SBK1: variants seen among roughly 807,000 people sequenced by gnomAD.
SBK1 encodes SH3 domain binding kinase 1, also known as serine/threonine-protein kinase SBK1.
A neutral mutation model predicts 24.4 loss-of-function variants in SBK1; 11 were observed. The observed-to-expected ratio is 0.45, with a 90% CI of 0.28 to 0.75. SBK1 has a LOEUF of 0.75. SBK1 is among the 30% of genes least tolerant of loss of function. The pLI, the probability that SBK1 is intolerant of heterozygous loss-of-function variation, is 0.12. For missense variants in SBK1, 467 were observed against 620.5 expected (o/e 0.75, Z 2.63); for synonymous variants, 308 against 284.4 (o/e 1.08, Z -0.83).
At chr16:28,265,589 A>G (rs2044423237) in intron 1 of SBK1, among the ~76,000 whole-genome samples, 1 of 152,134 alleles carries the variant, frequency 6.6e-6, no homozygotes, top group Non-Finnish European at 1.5e-5. Context: ...TCTAAAAAAT[A>G]TAAAAATTAA....
intron 1 of SBK1, among the ~76,000 whole-genome samples, chr16:28,316,099 G>A (rs1237289253): frequency 6.6e-6 from 1 of 152,126 alleles, no homozygotes; most frequent in Non-Finnish European, 1.5e-5. Context: ...GGTTGGCCAG[G>A]CGCAGTGTTC....
intron 1 of SBK1, among the ~76,000 whole-genome samples, chr16:28,275,659 C>T (rs1225958807): frequency 6.6e-6 from 1 of 151,978 alleles, no homozygotes; most frequent in African/African-American, 2.4e-5. Flanking sequence ...GCAGGTGGAT[C>T]GTTTGAGCCC....
chr16:28,282,459 C>A (rs1217288482), intron 1 of SBK1, among the ~76,000 whole-genome samples: 2 of 152,172 alleles, frequency 1.3e-5, no homozygotes, highest in Non-Finnish European at 2.9e-5. Flanking sequence ...AGCCCCCGAA[C>A]TTTGTGTCTC....
In SBK1 at chr16:28,282,881, G is replaced by A. The variant is rs537541969; in HGVS notation, c.257+23379G>A. Among the ~76,000 whole-genome samples, 9 of 152,118 alleles carry A rather than the reference G, an allele frequency of 5.9e-5. No individual in the cohort carries two copies. In the South Asian group the frequency reaches 1.9e-3, roughly 32 times the overall value. The stretch of plus-strand genomic sequence containing the variant: ...AATATAGTGACTGTATGGGACAGAG[G>A]AGACGGTGTTTAATTACTCTCGCAT... On this transcript the variant is annotated intron_variant, in intron 1 of 3. Transcript: ENST00000671413.
intron 1 of SBK1, among the ~76,000 whole-genome samples, chr16:28,275,890 AAAGG>A (rs571451740): frequency 2.0e-4 from 31 of 152,002 alleles, no homozygotes; most frequent in South Asian, 1.9e-3. Flanking sequence ...GTCTCAAAAA[AAAGG>A]AAGGAAGGAA....
In SBK1 at chr16:28,296,811, G is replaced by A. The variant is rs75718860; in HGVS notation, c.-8+3511G>A. Among the ~76,000 whole-genome samples the A allele has an allele frequency of 1.0e-2, 1,522 of 152,206 alleles. 8 individuals carry two copies. Among genetic ancestry groups the A allele is most frequent in the South Asian group, 0.035 (168 of 4,820 alleles). On this transcript the variant is annotated intron_variant, in intron 1 of 3. Transcript: ENST00000341901. ...CATGTGTCCCAGGGACAGCAAACCC[G>A]AGTCCTTCCCTTCCCCTCCTGACCT...
intron 1 of SBK1, among the ~76,000 whole-genome samples, chr16:28,312,138 G>T (rs145836402): frequency 6.2e-4 from 95 of 152,362 alleles, no homozygotes; most frequent in Non-Finnish European, 1.1e-3. Flanking sequence ...GAGCAGCCCA[G>T]CGTCTCCCTG....
intron 1 of SBK1, among the ~76,000 whole-genome samples, chr16:28,299,406 CG>C (rs1452168710): frequency 6.6e-6 from 1 of 152,132 alleles, no homozygotes; most frequent in African/African-American, 2.4e-5. Context: ...CTCAAGATTC[CG>C]TAGCTGGGAT....
At chr16:28,310,053 C>G in intron 1 of SBK1, among the ~76,000 whole-genome samples, 1 of 152,202 alleles carries the variant, frequency 6.6e-6, no homozygotes, top group Non-Finnish European at 1.5e-5. Context: ...TTGGGAAACC[C>G]TCCCCCACCA....
intron 1 of SBK1, among the ~76,000 whole-genome samples, chr16:28,308,134 T>G (rs1346806561): frequency 6.6e-6 from 1 of 152,188 alleles, no homozygotes; most frequent in African/African-American, 2.4e-5. Flanking sequence ...GTGGACACGC[T>G]GAGGTTCAAA....
At position 28,317,070 on chromosome 16, in the gene SBK1, T is replaced by C. The variant is rs2044801686; in HGVS notation, c.-7-315T>C. On this transcript the variant is annotated intron_variant, in intron 1 of 3. Transcript: ENST00000341901. This position sits in a 1 kb window ranked among gnomAD's most constrained non-coding sequence, Gnocchi z 4.2. ...TGGGAGTACCCGTGTGAACTCGGTA[T>C]CTGGCTGTGTCTGTGTGACATAAAC... is the stretch of plus-strand genomic sequence containing the variant. Among the ~76,000 whole-genome samples, 1 of 152,188 alleles carries C rather than the reference T, an allele frequency of 6.6e-6. No homozygotes were observed. The highest frequency in any genetic ancestry group is 1.5e-5 in the Non-Finnish European group (1 of 68,044).
At chr16:28,274,479 G>A (rs748835890) in intron 1 of SBK1, among the ~76,000 whole-genome samples, 9 of 151,980 alleles carry the variant, frequency 5.9e-5, no homozygotes, top group South Asian at 2.1e-4. Context: ...GTGAAACCCC[G>A]TCTCTACTAA....
At chr16:28,260,974 C>T (rs1306597046) in intron 1 of SBK1, among the ~76,000 whole-genome samples, 7 of 152,016 alleles carry the variant, frequency 4.6e-5, no homozygotes, top group Admixed American at 2.0e-4. Flanking sequence ...GCAGTGGGAA[C>T]GGCAAGAGGG....
chr16:28,261,545 C>G (rs8061278), intron 1 of SBK1, among the ~76,000 whole-genome samples: 91 of 151,802 alleles, frequency 6.0e-4, no homozygotes, highest in African/African-American at 2.0e-3. Context: ...CAAGAGGATC[C>G]CTTGAGCCCA....
chr16:28,313,425 C>A (rs980575649), intron 1 of SBK1, among the ~76,000 whole-genome samples: 7 of 151,584 alleles, frequency 4.6e-5, no homozygotes, highest in Admixed American at 3.3e-4. Flanking sequence ...GGTGAAACCC[C>A]ATCTCTACAA....
chr16:28,265,810 C>T (rs948216218), intron 1 of SBK1, among the ~76,000 whole-genome samples: 6 of 151,224 alleles, frequency 4.0e-5, no homozygotes, highest in Non-Finnish European at 8.8e-5. Flanking sequence ...CCTATCTCTA[C>T]TAAAAATACA....
chr16:28,286,426 G>C (rs1474105615), intron 1 of SBK1: 1 of 152,388 alleles, frequency 6.6e-6, no homozygotes, highest in East Asian at 1.9e-4. Context: ...TGTAATCCCA[G>C]CACTTTGGGA....
Position 28,322,090 on chromosome 16 carries a change from G to A in SBK1, c.*1169G>A, listed in dbSNP as rs2650492. Reference sequence around the variant, plus strand: ...GTGAGAATGGGGGCGGTGGACACCAGGGGGCGAGTGTGTGACTAGGTGTGT... The same window carrying A: ...GTGAGAATGGGGGCGGTGGACACCAAGGGGCGAGTGTGTGACTAGGTGTGT... On this transcript the variant is annotated 3_prime_UTR_variant, in exon 4 of 4. Coordinates refer to ENST00000341901, the MANE Select transcript of SBK1 (RefSeq NM_001024401.3). 0.2 allele frequency: 30,576 copies of A among 152,748 alleles called. 4,093 individuals are homozygous for A. Among genetic ancestry groups the A allele is most frequent in the Non-Finnish European group, 0.3 (20,615 of 68,324 alleles). 9.5% of individuals were successfully genotyped at this position (152,748 alleles called of 1,614,324 possible). A position where few individuals can be genotyped will look rare whatever the true frequency, so the allele number is the denominator to read the frequency against.
At position 28,292,895 on chromosome 16, in the gene SBK1, A is replaced by G; in HGVS notation, c.-413A>G. The G allele has an allele frequency of 1.0e-6, 1 of 977,286 alleles. No individual in the cohort carries two copies. The highest frequency in any genetic ancestry group is 1.2e-6 in the Non-Finnish European group (1 of 824,268). The allele number at this position is 977,286 out of a possible 1,614,324, so 60.5% of individuals were successfully genotyped here. On this transcript the variant is annotated 5_prime_UTR_variant, in exon 1 of 4. Transcript: ENST00000341901. Reference sequence around the variant, plus strand: ...GCAAGCCCCCTACGGCACCGCAAGGACTCCCCCTCCTCAGTCTGGGCCCCC... The same window carrying G: ...GCAAGCCCCCTACGGCACCGCAAGGGCTCCCCCTCCTCAGTCTGGGCCCCC...
Sources: allele counts gnomAD v4.1 joint callset (sites outside exome capture counted in the v4.1 genomes callset), GRCh38; gene constraint gnomAD v4.1.1; non-coding constraint Gnocchi (gnomAD v3.1); transcripts MANE v1.5; gene names NCBI Gene and HGNC (gene_info 2026-07-23, HGNC 2026-07-21).